The following SKAP1 variants were observed in gnomAD, a reference collection of about 807,000 sequenced individuals.
SKAP1 encodes the protein src kinase-associated phosphoprotein 1.
A neutral mutation model predicts 58.5 loss-of-function variants in SKAP1; 44 were observed. The observed-to-expected ratio is 0.75, with a 90% CI of 0.59 to 0.97. The LOEUF is 0.97. Ranked by LOEUF, SKAP1 falls within the 50% of genes least tolerant of loss-of-function variation. The pLI, the probability that SKAP1 is intolerant of heterozygous loss-of-function variation, is 0.00. For synonymous variants in SKAP1, 127 were observed against 149.7 expected, an observed-to-expected ratio of 0.85 and a Z score of 1.11; for missense variants, 390 against 435.2, an observed-to-expected ratio of 0.90 and a Z score of 0.92.
chr17:48,278,481 G>A (rs2065727107), intron 4 of SKAP1, among the ~76,000 whole-genome samples: 1 of 152,206 alleles, frequency 6.6e-6, no homozygotes. Flanking sequence ...CGAGAGTGGA[G>A]AAAAGGATGG....
intron 4 of SKAP1, among the ~76,000 whole-genome samples, chr17:48,272,224 T>C (rs2065642971): frequency 6.6e-6 from 1 of 151,530 alleles, no homozygotes; most frequent in African/African-American, 2.4e-5. Flanking sequence ...ATCTGTCTAC[T>C]GGGTTCAAGA....
intron 1 of SKAP1, among the ~76,000 whole-genome samples, chr17:48,407,779 A>G (rs1337799918): frequency 1.3e-5 from 2 of 151,848 alleles, no homozygotes; most frequent in African/African-American, 4.8e-5. Flanking sequence ...GCTTGAGCCC[A>G]GGAGATGAAG....
intron 4 of SKAP1, among the ~76,000 whole-genome samples, chr17:48,336,535 AG>A (rs757987131): frequency 1.0e-3 from 158 of 152,274 alleles, no homozygotes; most frequent in Non-Finnish European, 1.4e-3. Flanking sequence ...TAAATGAATT[AG>A]GGGAATTATT....
At chr17:48,214,052 G>A (rs17620033) in intron 4 of SKAP1, among the ~76,000 whole-genome samples, 85,023 of 152,166 alleles carry the variant, frequency 0.56, 24,749 homozygotes, top group East Asian at 0.77. Context: ...CAAACTAAAA[G>A]TACAGCTTAG....
At chr17:48,179,044 C>G (rs2064332626) in intron 9 of SKAP1, among the ~76,000 whole-genome samples, 1 of 152,142 alleles carries the variant, frequency 6.6e-6, no homozygotes, top group African/African-American at 2.4e-5. Flanking sequence ...TCTTAGGAAG[C>G]CTTGAAATGC....
intron 4 of SKAP1, among the ~76,000 whole-genome samples, chr17:48,280,129 T>C (rs1459011917): frequency 6.6e-6 from 1 of 152,216 alleles, no homozygotes; most frequent in Non-Finnish European, 1.5e-5. Flanking sequence ...AAACATATTT[T>C]GTATGTTTGG....
intron 3 of SKAP1, among the ~76,000 whole-genome samples, chr17:48,355,031 A>AGGAAT (rs1397871062): frequency 1.3e-5 from 2 of 152,218 alleles, no homozygotes; most frequent in African/African-American, 4.8e-5. Context: ...GTGTTAGTCC[A>AGGAAT]GGAATAATAC....
chr17:48,392,236 TATC>T (rs1895050488), intron 2 of SKAP1, among the ~76,000 whole-genome samples: 1 of 152,332 alleles, frequency 6.6e-6, no homozygotes, highest in Admixed American at 6.5e-5. Context: ...TTTACTAGTA[TATC>T]ATGTTTCACA....
chr17:48,155,904 G>T (rs2063970665), intron 11 of SKAP1, among the ~76,000 whole-genome samples: 1 of 152,204 alleles, frequency 6.6e-6, no homozygotes, highest in African/African-American at 2.4e-5. Context: ...GTCCACAAAA[G>T]GGTCTTGCAA....
chr17:48,390,988 T>C (rs2067337450), intron 2 of SKAP1, among the ~76,000 whole-genome samples: 1 of 152,100 alleles, frequency 6.6e-6, no homozygotes, highest in Non-Finnish European at 1.5e-5. Context: ...GGCACAAGAA[T>C]TGCTTGAATT....
In SKAP1 at chr17:48,248,297, T is replaced by C. The variant is rs369328674; in HGVS notation, c.281-58797A>G. Reference sequence around the variant, plus strand: ...AACTATAGGGGAGGATGGGCACAGGTGGCTCATGCTTGTAATCCTAGGACT... The same window carrying C: ...AACTATAGGGGAGGATGGGCACAGGCGGCTCATGCTTGTAATCCTAGGACT... On this transcript the variant is annotated intron_variant, in intron 4 of 12. Transcript: ENST00000336915. Among the ~76,000 whole-genome samples the C allele has an allele frequency of 2.0e-5, 3 of 152,326 alleles. No individual in the cohort carries two copies. The East Asian group carries it at 5.8e-4, about 29-fold the overall frequency.
chr17:48,296,206 G>T (rs1346884486), intron 4 of SKAP1, among the ~76,000 whole-genome samples: 3 of 151,814 alleles, frequency 2.0e-5, no homozygotes, highest in Admixed American at 2.0e-4. Flanking sequence ...AATTAATTAA[G>T]GTTTGGAAAG....
At chr17:48,246,127 A>T (rs1383463098) in intron 4 of SKAP1, among the ~76,000 whole-genome samples, 5 of 152,226 alleles carry the variant, frequency 3.3e-5, no homozygotes, top group Non-Finnish European at 7.4e-5. Context: ...ACATTTTAAC[A>T]CACATATAAA....
intron 1 of SKAP1, among the ~76,000 whole-genome samples, chr17:48,417,830 A>T (rs2067750718): frequency 1.3e-5 from 2 of 152,312 alleles, no homozygotes; most frequent in Non-Finnish European, 2.9e-5. Flanking sequence ...CAGTGTGGAT[A>T]TATAAAATAT....
At chr17:48,270,594 A>G (rs1362814449) in intron 4 of SKAP1, among the ~76,000 whole-genome samples, 1 of 151,218 alleles carries the variant, frequency 6.6e-6, no homozygotes, top group African/African-American at 2.4e-5. Context: ...GCCGGCCTCG[A>G]CCTCCCAAAG....
At chr17:48,421,488 A>G (rs2067793048) in intron 1 of SKAP1, among the ~76,000 whole-genome samples, 1 of 151,958 alleles carries the variant, frequency 6.6e-6, no homozygotes, top group Non-Finnish European at 1.5e-5. Flanking sequence ...TATTTTTAGT[A>G]GAGACGGGGT....
the SKAP1 span, among the ~76,000 whole-genome samples, chr17:48,441,657 G>C: frequency 6.6e-6 from 1 of 152,180 alleles, no homozygotes; most frequent in African/African-American, 2.4e-5. Flanking sequence ...CCATTGAGGA[G>C]AGTATAAACC....
intron 4 of SKAP1, among the ~76,000 whole-genome samples, chr17:48,304,792 A>G (rs572182485): frequency 6.6e-6 from 1 of 152,326 alleles, no homozygotes; most frequent in African/African-American, 2.4e-5. Flanking sequence ...TAGTAACCCT[A>G]CCATTGGAGC....
intron 4 of SKAP1, among the ~76,000 whole-genome samples, chr17:48,220,852 C>CAAAAAAAAAAAAAAA (rs56006389): frequency 2.4e-4 from 20 of 83,658 alleles, no homozygotes; most frequent in African/African-American, 2.8e-4. Flanking sequence ...GACTCCATCT[C>CAAAAAAAAAAAAAAA]AAAAAAAAAA....
Sources: allele counts gnomAD v4.1 joint callset (sites outside exome capture counted in the v4.1 genomes callset), GRCh38; gene constraint gnomAD v4.1.1; transcripts MANE v1.5; gene names NCBI Gene and HGNC (gene_info 2026-07-23, HGNC 2026-07-21).